Variants in MYLK observed in about 807,000 individuals in gnomAD.
The protein encoded by MYLK is myosin light chain kinase.
A neutral mutation model predicts 203.4 loss-of-function variants in MYLK; 106 were observed. The observed-to-expected ratio is 0.52, with a 90% CI of 0.45 to 0.61. The LOEUF (loss-of-function observed/expected upper bound fraction) is 0.61. Among genes scored for constraint, MYLK ranks in the 20% least tolerant of loss-of-function variants. The pLI is 0.00. For missense variants in MYLK, 2,072 were observed against 2,442.3 expected (o/e 0.85, Z 3.20); for synonymous variants, 867 against 959.5 (o/e 0.90, Z 1.78).
chr3:123,774,898 G>A (rs772546134), intron 4 of MYLK, among the ~76,000 whole-genome samples: 18 of 152,150 alleles, frequency 1.2e-4, no homozygotes, highest in Non-Finnish European at 2.2e-4. Context: ...CTGGATAAAG[G>A]CTCGTTGAGC....
intron 2 of MYLK, among the ~76,000 whole-genome samples, chr3:123,857,558 A>G (rs1056866778): frequency 6.6e-6 from 1 of 150,942 alleles, no homozygotes; most frequent in Non-Finnish European, 1.5e-5. Flanking sequence ...CAAAAAACCA[A>G]ACACCGCATA....
At chr3:123,783,654 T>C (rs2064386855) in intron 4 of MYLK, among the ~76,000 whole-genome samples, 1 of 152,200 alleles carries the variant, frequency 6.6e-6, no homozygotes, top group South Asian at 2.1e-4. Flanking sequence ...ATTCAAGCAA[T>C]AAGAATGTGT....
intron 4 of MYLK, among the ~76,000 whole-genome samples, chr3:123,783,851 G>C (rs2064395357): frequency 6.6e-6 from 1 of 152,074 alleles, no homozygotes. Context: ...GCACTTAGTG[G>C]AGTCCCACAG....
chr3:123,861,945 C>G (rs1347557554), intron 2 of MYLK, among the ~76,000 whole-genome samples: 3 of 152,222 alleles, frequency 2.0e-5, no homozygotes, highest in African/African-American at 7.2e-5. Flanking sequence ...CTTCCGCAGG[C>G]AGGAGTATCC....
chr3:123,657,780 A>G (rs1360887854), intron 23 of MYLK, among the ~76,000 whole-genome samples: 1 of 152,176 alleles, frequency 6.6e-6, no homozygotes, highest in Admixed American at 6.5e-5. Context: ...ACTATTTCCT[A>G]TCGAAAACAT....
chr3:123,645,807 A>T (rs1005632583), intron 27 of MYLK, among the ~76,000 whole-genome samples: 1 of 152,234 alleles, frequency 6.6e-6, no homozygotes, highest in Non-Finnish European at 1.5e-5. Flanking sequence ...GAGGAAGCTC[A>T]CTAGGTAGTG....
At chr3:123,734,389 T>C in intron 9 of MYLK, 167 bp from the exon 10 acceptor site, 1 of 658,220 alleles carries the variant, frequency 1.5e-6, no homozygotes. Flanking sequence ...TTGCCCAGTT[T>C]CCCAAGCCAC....
intron 19 of MYLK, 26 bp from the exon 20 acceptor site, chr3:123,682,336 T>A (rs2060297311): frequency 6.5e-7 from 1 of 1,536,030 alleles, no homozygotes. Flanking sequence ...TAACAATAAA[T>A]GTTAGCAGCT....
intron 2 of MYLK, among the ~76,000 whole-genome samples, chr3:123,867,886 T>G (rs1249638908): frequency 6.6e-6 from 1 of 152,198 alleles, no homozygotes; most frequent in Non-Finnish European, 1.5e-5. Flanking sequence ...ACACCACTCC[T>G]TCTTATCTAC....
chr3:123,843,738 T>C (rs1280243222), intron 2 of MYLK, among the ~76,000 whole-genome samples: 2 of 152,128 alleles, frequency 1.3e-5, no homozygotes, highest in East Asian at 3.9e-4. Flanking sequence ...ACTATTCAAA[T>C]TCCCTGCCCC....
chr3:123,817,117 G>T (rs763333655), intron 3 of MYLK, among the ~76,000 whole-genome samples: 8 of 152,122 alleles, frequency 5.3e-5, no homozygotes, highest in African/African-American at 9.7e-5. Context: ...AAAAGAGATG[G>T]GTGCAATAAA....
chr3:123,801,495 G>A (rs2065194066), intron 3 of MYLK, among the ~76,000 whole-genome samples: 1 of 152,222 alleles, frequency 6.6e-6, no homozygotes, highest in African/African-American at 2.4e-5. Flanking sequence ...ACATGATACT[G>A]AGGCTTGGGG....
At chr3:123,841,233 C>T (rs952924620) in intron 2 of MYLK, among the ~76,000 whole-genome samples, 1 of 152,044 alleles carries the variant, frequency 6.6e-6, no homozygotes, top group Non-Finnish European at 1.5e-5. Context: ...GGTCTCCTAT[C>T]TTAGATGGGA....
At chr3:123,730,004 A>T (rs1374306902) in intron 11 of MYLK, among the ~76,000 whole-genome samples, 1 of 151,306 alleles carries the variant, frequency 6.6e-6, no homozygotes, top group Non-Finnish European at 1.5e-5. Flanking sequence ...AAGTGGGAGG[A>T]TCACTCAAGT....
In MYLK at chr3:123,686,614, G is replaced by A. The variant is rs183019714; in HGVS notation, c.3566-4304C>T. Among the ~76,000 whole-genome samples the A allele has an allele frequency of 7.2e-5, 11 of 152,278 alleles. 1 individual carries two copies. The East Asian group carries it at 1.9e-3, about 27-fold the overall frequency. ...AAGGAAGAGAGATCAGGATGCTTGC[G>A]CTTTCTGGCTCTGCTGCTTAGGAGT... On this transcript the variant is annotated intron_variant, in intron 19 of 33. Coordinates refer to ENST00000360304, the MANE Select transcript of MYLK (RefSeq NM_053025.4).
chr3:123,865,695 T>C (rs988024661), intron 2 of MYLK, among the ~76,000 whole-genome samples: 1 of 152,202 alleles, frequency 6.6e-6, no homozygotes, highest in South Asian at 2.1e-4. Context: ...TCAGGTTAAC[T>C]TTAGATTGAG....
At chr3:123,867,421 CAAAA>C (rs4048400) in intron 2 of MYLK, among the ~76,000 whole-genome samples, 5 of 68,738 alleles carry the variant, frequency 7.3e-5, no homozygotes, top group Admixed American at 1.6e-4. Context: ...GACTAGTATC[CAAAA>C]AAAAAAAAAA....
At chr3:123,739,094 A>G (rs1159327194) in intron 6 of MYLK, 32 bp from the exon 7 acceptor site, 2 of 1,610,930 alleles carry the variant, frequency 1.2e-6, no homozygotes, top group African/African-American at 2.7e-5. Flanking sequence ...ATCCAGTCCC[A>G]GACAAGGCAG....
chr3:123,783,173 CTCCTT>C (rs767395028), intron 4 of MYLK, among the ~76,000 whole-genome samples: 3 of 152,050 alleles, frequency 2.0e-5, no homozygotes, highest in East Asian at 1.9e-4. Flanking sequence ...ATTTTTTCTT[CTCCTT>C]TAAGAGTTAA....
Sources: gnomAD v4.1 joint callset for allele counts (sites outside exome capture counted in the v4.1 genomes callset) on GRCh38, gnomAD v4.1.1 for gene constraint, MANE v1.5 for transcripts, NCBI Gene and HGNC (gene_info 2026-07-23, HGNC 2026-07-21) for gene names.